EPAS1: variants seen among roughly 807,000 people sequenced by gnomAD.
The protein encoded by EPAS1 is endothelial PAS domain protein 1, also known as endothelial PAS domain-containing protein 1.
Under a neutral mutation model 87.9 loss-of-function variants are expected in EPAS1, and 23 were observed. The observed-to-expected ratio is 0.26, with a 90% CI of 0.19 to 0.37. The LOEUF (loss-of-function observed/expected upper bound fraction) is 0.37. Ranked by LOEUF, EPAS1 falls within the 10% of genes least tolerant of loss-of-function variation. The pLI is 1.00. For synonymous variants in EPAS1, 508 were observed against 444.3 expected (o/e 1.14, Z -1.80); for missense variants, 1,138 against 1,120.7 (o/e 1.02, Z -0.22).
At chr2:46,342,578 G>C (rs1345137100) in intron 1 of EPAS1, among the ~76,000 whole-genome samples, 3 of 152,130 alleles carry the variant, frequency 2.0e-5, no homozygotes, top group Non-Finnish European at 2.9e-5. Flanking sequence ...CACTCTAAAA[G>C]TCTAGCTAAT....
chr2:46,358,966 A>G (rs753863653), intron 4 of EPAS1, among the ~76,000 whole-genome samples: 2 of 152,096 alleles, frequency 1.3e-5, no homozygotes, highest in Non-Finnish European at 2.9e-5. Context: ...CAGTGTTTAG[A>G]AAGAATGAAC....
chr2:46,331,760 A>G (rs1463668395), intron 1 of EPAS1, among the ~76,000 whole-genome samples: 1 of 151,630 alleles, frequency 6.6e-6, no homozygotes, highest in Non-Finnish European at 1.5e-5. Flanking sequence ...CAGCTGAGAG[A>G]CTACTCAGGG....
Position 46,356,142 on chromosome 2 carries a change from C to CG in EPAS1, c.218-9_218-8insG. 2.2e-6 allele frequency: 3 copies of CG among 1,374,660 alleles called. No homozygotes were observed. Among genetic ancestry groups the CG allele is most frequent in the Non-Finnish European group, 3.1e-6 (3 of 969,874 alleles). 85.2% of individuals were successfully genotyped at this position (1,374,660 alleles called of 1,614,324 possible). The stretch of plus-strand genomic sequence containing the variant: ...TCATGCAAGCTGTCCCACCCCCCCC[C>CG]CTTTCCAGTTTGCTCTGAAAACGAG... On this transcript the variant is annotated splice_polypyrimidine_tract_variant and intron_variant, in intron 2 of 15. Transcript: ENST00000263734.
At chr2:46,307,773 G>A (rs1683135753) in intron 1 of EPAS1, among the ~76,000 whole-genome samples, 2 of 152,154 alleles carry the variant, frequency 1.3e-5, no homozygotes, top group South Asian at 4.1e-4. Flanking sequence ...CGCTTTCCTG[G>A]TCCCCCAGAA....
At chr2:46,318,679 G>T (rs10495932) in intron 1 of EPAS1, among the ~76,000 whole-genome samples, 9,663 of 152,230 alleles carry the variant, frequency 0.063, 1,024 homozygotes, top group African/African-American at 0.22. Context: ...GTTTTGCATA[G>T]TGTGGTGATT....
At chr2:46,356,407 T>C in intron 3 of EPAS1, 105 bp downstream of exon 3, 1 of 1,442,112 alleles carries the variant, frequency 6.9e-7, no homozygotes, top group African/African-American at 1.4e-5. Context: ...TCCCTGCAAA[T>C]GCCCACGGTG....
At chr2:46,356,369 G>C in intron 3 of EPAS1, 67 bp downstream of exon 3, 2 of 1,593,902 alleles carry the variant, frequency 1.3e-6, no homozygotes, top group Non-Finnish European at 8.6e-7. Flanking sequence ...ATGAGTGGAA[G>C]GTGCTAGCCA....
chr2:46,339,591 C>T (rs965283610), intron 1 of EPAS1, among the ~76,000 whole-genome samples: 6 of 152,182 alleles, frequency 3.9e-5, no homozygotes, highest in Admixed American at 1.3e-4. Context: ...GATTCACTCA[C>T]GAGTGTTTTA....
At chr2:46,374,682 T>G (rs146180731) in intron 7 of EPAS1, among the ~76,000 whole-genome samples, 261 of 152,338 alleles carry the variant, frequency 1.7e-3, no homozygotes, top group African/African-American at 5.9e-3. Context: ...GCTTCTGAGC[T>G]GGAGTTCTGT....
intron 4 of EPAS1, among the ~76,000 whole-genome samples, chr2:46,359,389 A>G (rs547956343): frequency 6.6e-6 from 1 of 151,950 alleles, no homozygotes; most frequent in South Asian, 2.1e-4. Context: ...TATACCCAAC[A>G]ACTGGTCTGG....
intron 10 of EPAS1, 83 bp downstream of exon 10, chr2:46,378,170 C>T: frequency 1.3e-6 from 2 of 1,529,920 alleles, no homozygotes; most frequent in Non-Finnish European, 1.7e-6. Flanking sequence ...ACATTTGGGA[C>T]AGGTACTGTC....
At chr2:46,324,462 A>C (rs1683513803) in intron 1 of EPAS1, among the ~76,000 whole-genome samples, 1 of 152,178 alleles carries the variant, frequency 6.6e-6, no homozygotes, top group African/African-American at 2.4e-5. Flanking sequence ...CAAAACTACA[A>C]ATCTTGCTTG....
intron 2 of EPAS1, 76 bp from the exon 3 acceptor site, chr2:46,356,075 A>C: frequency 2.0e-6 from 3 of 1,488,188 alleles, no homozygotes; most frequent in Non-Finnish European, 2.8e-6. Flanking sequence ...CATCCCTGGC[A>C]AATGCCTATC....
chr2:46,327,490 C>T (rs541654173), intron 1 of EPAS1, among the ~76,000 whole-genome samples: 1 of 152,236 alleles, frequency 6.6e-6, no homozygotes, highest in Admixed American at 6.5e-5. Context: ...GACAGGAGCT[C>T]AGACTTGTTT....
chr2:46,332,271 C>CGG (rs1683693523), intron 1 of EPAS1, among the ~76,000 whole-genome samples: 1 of 72,932 alleles, frequency 1.4e-5, no homozygotes, highest in African/African-American at 6.3e-5. Flanking sequence ...TGGTGTTTCA[C>CGG]AGAAAAAAAA....
intron 1 of EPAS1, among the ~76,000 whole-genome samples, chr2:46,313,272 C>T (rs1167568212): frequency 2.6e-5 from 4 of 152,154 alleles, no homozygotes; most frequent in African/African-American, 9.7e-5. Context: ...CCCCTAATGC[C>T]TAAGCTTGCT....
chr2:46,302,165 G>C (rs569371796), intron 1 of EPAS1, among the ~76,000 whole-genome samples: 6 of 142,826 alleles, frequency 4.2e-5, no homozygotes, highest in African/African-American at 1.0e-4. Flanking sequence ...TGCGTCGGGG[G>C]GGGGGGCAGT....
chr2:46,379,924 G>C, intron 11 of EPAS1: 1 of 479,800 alleles, frequency 2.1e-6, no homozygotes, highest in Non-Finnish European at 3.8e-6. Flanking sequence ...AAGAGGGGCT[G>C]CCTCGGCTTC....
intron 2 of EPAS1, among the ~76,000 whole-genome samples, chr2:46,349,349 C>T (rs17035010): frequency 0.35 from 53,924 of 152,116 alleles, 10,668 homozygotes; most frequent in East Asian, 0.76. Flanking sequence ...GGCTGGACTC[C>T]CTGAGCACAT....
Sources: gnomAD v4.1 joint callset for allele counts (sites outside exome capture counted in the v4.1 genomes callset) on GRCh38, gnomAD v4.1.1 for gene constraint, MANE v1.5 for transcripts, NCBI Gene and HGNC (gene_info 2026-07-23, HGNC 2026-07-21) for gene names.